The following PAQR5 variants were observed in gnomAD, a reference collection of about 807,000 sequenced individuals.
The protein encoded by PAQR5 is membrane progestin receptor gamma.
PAQR5 carries 20 observed loss-of-function variants against 34.5 expected under a neutral mutation model. That is an observed-to-expected ratio of 0.58 (90% CI 0.41 to 0.84). PAQR5 has a LOEUF of 0.84. Ranked by LOEUF, PAQR5 falls within the 40% of genes least tolerant of loss-of-function variation. PAQR5 has a pLI of 0.00. For missense variants in PAQR5, 378 were observed against 412.7 expected (o/e 0.92, Z 0.73); for synonymous variants, 131 against 155.6 (o/e 0.84, Z 1.18).
chr15:69,300,617 CTTTCTTTCTTTCT>C lies in PAQR5; in HGVS notation c.-277+1564_-277+1576del, dbSNP rs2053523983. Among the ~76,000 whole-genome samples the C allele has an allele frequency of 3.8e-5, 2 of 52,566 alleles. 1 individual carries two copies. The highest frequency in any genetic ancestry group is 1.3e-4 in the African/African-American group (2 of 15,926). 34.5% of individuals were successfully genotyped at this position (52,566 alleles called of 152,430 possible). ...TCTTTCTTTCTTTCTTTCTTTCTTT[CTTTCTTTCTTTCT>C]TTCTTTCTTTCTTTCTTTCTTTTCT... On this transcript the variant is annotated intron_variant, in intron 1 of 8. Transcript: ENST00000395407.
rs796141033 is a variant in PAQR5 at position 69,341,117 on chromosome 15, ACTT to A, written c.-116+3621_-116+3623del. On this transcript the variant is annotated intron_variant, in intron 2 of 8. Transcript: ENST00000395407. ...CCTATGACCACCATCCATCTCCACGACTTCTTCATCTTCCCAAATAGAAACTAC... is the reference window on the plus strand; with the variant it reads ...CCTATGACCACCATCCATCTCCACGACTTCATCTTCCCAAATAGAAACTAC... 4.6e-5 allele frequency among the ~76,000 whole-genome samples: 7 copies of A among 151,968 alleles called. No homozygotes were observed. In the South Asian group the frequency reaches 1.5e-3, roughly 32 times the overall value.
rs1020138881 is a variant in PAQR5, at chr15:69,379,917, G to T, written c.86G>T (p.Arg29Leu). Residue 29 changes from arginine to leucine, a missense_variant, in exon 4 of 9, where the codon CGC becomes CTC. Physicochemically the swap from Arg to Leu is moderately radical, Grantham distance 102 (BLOSUM62 -2). Coordinates refer to ENST00000395407, the MANE Select transcript of PAQR5 (RefSeq NM_017705.4). ...FHEQGILFGY[R>L]HPQSSATACI... ...GAGCAAGGCATCCTGTTCGGCTACC[G>T]CCATCCACAGAGTTCTGCCACTGCC... is the stretch of plus-strand genomic sequence containing the variant. 5 of 1,614,054 alleles carry T rather than the reference G, an allele frequency of 3.1e-6. No individual in the cohort carries two copies. In the South Asian group the frequency reaches 4.4e-5, roughly 14 times the overall value.
intron 1 of PAQR5, among the ~76,000 whole-genome samples, chr15:69,303,848 G>C (rs1296841708): frequency 6.6e-6 from 1 of 152,188 alleles, no homozygotes; most frequent in African/African-American, 2.4e-5. Context: ...TCTTGTGCAG[G>C]CCTCTACATT....
At position 69,397,553 on chromosome 15, in the gene PAQR5, ATCT is replaced by A; in HGVS notation, c.602_604del (p.Phe201del). The A allele has an allele frequency of 6.2e-7, 1 of 1,605,252 alleles. No individual in the cohort carries two copies. The highest frequency in any genetic ancestry group is 8.5e-7 in the Non-Finnish European group (1 of 1,171,860). Reference sequence around the variant, plus strand: ...TCCGTACACCTGGGACTCCCTCCCCATCTTCTACAGGGTAAGGACTGGCTGCAT... The same window carrying A: ...TCCGTACACCTGGGACTCCCTCCCCATCTACAGGGTAAGGACTGGCTGCAT... On this transcript the variant is annotated inframe_deletion, in exon 7 of 9. Transcript: ENST00000395407.
chr15:69,351,565 C>A (rs1349264771), intron 2 of PAQR5, among the ~76,000 whole-genome samples: 1 of 152,214 alleles, frequency 6.6e-6, no homozygotes, highest in Non-Finnish European at 1.5e-5. Flanking sequence ...ACCGTCCTAC[C>A]TCAGGGGTAT....
At position 69,403,909 on chromosome 15, in the gene PAQR5, A is replaced by G; in HGVS notation, c.*87A>G. On this transcript the variant is annotated 3_prime_UTR_variant, in exon 9 of 9. Transcript: ENST00000395407. The stretch of plus-strand genomic sequence containing the variant: ...AAGCCGGAGGTGGTTACAGCTTATC[A>G]TGGCCTAAAATATTCATAATGGTTG... The G allele has an allele frequency of 7.2e-7, 1 of 1,385,702 alleles. No homozygotes were observed. The highest frequency in any genetic ancestry group is 9.9e-7 in the Non-Finnish European group (1 of 1,014,924). 85.8% of individuals were successfully genotyped at this position (1,385,702 alleles called of 1,614,324 possible). A position where few individuals can be genotyped will look rare whatever the true frequency, so the allele number is the denominator to read the frequency against.
Position 69,379,971 on chromosome 15 carries a change from A to G in PAQR5, c.140A>G (p.Asn47Ser), listed in dbSNP as rs1239544658. 7 of 1,613,998 alleles carry G rather than the reference A, an allele frequency of 4.3e-6. No homozygotes were observed. The highest frequency in any genetic ancestry group is 2.7e-5 in the African/African-American group (2 of 74,920). Reference protein sequence around the residue: ...ACILSLFQMTNETLNIWTHLL... With the variant: ...ACILSLFQMTSETLNIWTHLL... ...ATCCTCAGCCTTTTCCAAATGACCAATGAGACTCTCAACATTTGGACTCAC... is the reference window on the plus strand; with the variant it reads ...ATCCTCAGCCTTTTCCAAATGACCAGTGAGACTCTCAACATTTGGACTCAC... The change falls in exon 4 of 9, where the codon AAT (asparagine) becomes AGT (serine). Residue 47 changes from asparagine to serine, a missense_variant. Transcript: ENST00000395407.
chr15:69,346,428 C>G (rs542463814), intron 2 of PAQR5, among the ~76,000 whole-genome samples: 3 of 151,092 alleles, frequency 2.0e-5, no homozygotes, highest in Non-Finnish European at 4.4e-5. Flanking sequence ...GCCTTAGCCT[C>G]CCAAGTAGCT....
rs760544775 is a variant in PAQR5, at chr15:69,389,697, C to T, written c.429C>T (p.Leu143=). The T allele has an allele frequency of 1.2e-6, 2 of 1,614,204 alleles. No individual in the cohort carries two copies. The highest frequency in any genetic ancestry group is 1.7e-6 in the Non-Finnish European group (2 of 1,180,024). The change falls in exon 6 of 9, where the codon CTC becomes CTT. Residue 143 remains leucine (L), a synonymous_variant. Coordinates refer to ENST00000395407, the MANE Select transcript of PAQR5 (RefSeq NM_017705.4). The stretch of plus-strand genomic sequence containing the variant: ...CTGCATACACGTTCCCGGATGCGCT[C>T]ATGTGCACCACTTTCCATGACTACT... ...AYSAYTFPDA[L]MCTTFHDYYV...
At chr15:69,353,404 T>C (rs1241659096) in intron 2 of PAQR5, among the ~76,000 whole-genome samples, 3 of 152,228 alleles carry the variant, frequency 2.0e-5, no homozygotes. Flanking sequence ...ATGGTATTCA[T>C]ACAATATTGC....
At chr15:69,365,427 A>G (rs922311639) in intron 3 of PAQR5, among the ~76,000 whole-genome samples, 11 of 152,148 alleles carry the variant, frequency 7.2e-5, no homozygotes, top group Non-Finnish European at 1.6e-4. Context: ...AATTTTATAG[A>G]ACTCTTTATT....
chr15:69,322,319 C>G (rs1347230967), intron 1 of PAQR5, among the ~76,000 whole-genome samples: 1 of 149,604 alleles, frequency 6.7e-6, no homozygotes, highest in Non-Finnish European at 1.5e-5. Flanking sequence ...GAAACCCTGT[C>G]TCTACTAAAA....
intron 1 of PAQR5, among the ~76,000 whole-genome samples, chr15:69,327,298 G>A (rs535998054): frequency 1.3e-5 from 2 of 152,210 alleles, no homozygotes; most frequent in Non-Finnish European, 1.5e-5. Flanking sequence ...ACCACATGCG[G>A]ATTGTTTTGT....
At chr15:69,351,949 G>A (rs568675791) in intron 2 of PAQR5, among the ~76,000 whole-genome samples, 1 of 152,318 alleles carries the variant, frequency 6.6e-6, no homozygotes, top group South Asian at 2.1e-4. Flanking sequence ...ATTTGGGTGT[G>A]TTACTCTAGC....
At chr15:69,400,591 C>T (rs928400959) in intron 8 of PAQR5, among the ~76,000 whole-genome samples, 3 of 151,988 alleles carry the variant, frequency 2.0e-5, no homozygotes, top group Non-Finnish European at 2.9e-5. Context: ...ACTTGGGAGG[C>T]GTTGGTTTGA....
intron 1 of PAQR5, among the ~76,000 whole-genome samples, chr15:69,321,502 G>C (rs752670150): frequency 6.6e-6 from 1 of 152,234 alleles, no homozygotes; most frequent in African/African-American, 2.4e-5. Context: ...CATAACCACA[G>C]TACTATTACT....
At position 69,397,584 on chromosome 15, in the gene PAQR5, CCTCT is replaced by C. The variant is rs1441303070; in HGVS notation, c.609+23_609+26del. 1 of 1,471,172 alleles carries C rather than the reference CCTCT, an allele frequency of 6.8e-7. No homozygotes were observed. The highest frequency in any genetic ancestry group is 9.5e-7 in the Non-Finnish European group (1 of 1,049,314). The allele number at this position is 1,471,172 out of a possible 1,614,324, so 91.1% of individuals were successfully genotyped here. Reference sequence around the variant, plus strand: ...TACAGGGTAAGGACTGGCTGCATCTCCTCTCTGCCTGTTGGCAACACCAGGAAGT... The same window carrying C: ...TACAGGGTAAGGACTGGCTGCATCTCCTGCCTGTTGGCAACACCAGGAAGT... On this transcript the variant is annotated intron_variant, in intron 7 of 8. Coordinates refer to ENST00000395407, the MANE Select transcript of PAQR5 (RefSeq NM_017705.4).
Position 69,337,893 on chromosome 15 carries a change from G to A in PAQR5, c.-116+392G>A, listed in dbSNP as rs1439988399. 2.6e-5 allele frequency among the ~76,000 whole-genome samples: 4 copies of A among 152,008 alleles called. No individual in the cohort carries two copies. The South Asian group carries it at 6.2e-4, about 24-fold the overall frequency. ...AGTTCAAGACCAGCCTGGACAACAT[G>A]GTGAAACCCTGTCTCTATTAAAAAA... On this transcript the variant is annotated intron_variant, in intron 2 of 8. Transcript: ENST00000395407.
rs193254970 is a variant in PAQR5 at position 69,385,791 on chromosome 15, C to T, written c.385+909C>T. Among the ~76,000 whole-genome samples, 2,110 of 151,996 alleles carry T rather than the reference C, an allele frequency of 0.014. 20 individuals carry two copies. The highest frequency in any genetic ancestry group is 0.027 in the Middle Eastern group (8 of 294). On this transcript the variant is annotated intron_variant, in intron 5 of 8. Coordinates refer to ENST00000395407, the MANE Select transcript of PAQR5 (RefSeq NM_017705.4). The surrounding 1 kb of genome is among the most constrained non-coding windows in gnomAD (Gnocchi z 4.7). Reference sequence around the variant, plus strand: ...ATGCACTGACACACACTGACACACACACATACAATGCACTCACACATGCAC... The same window carrying T: ...ATGCACTGACACACACTGACACACATACATACAATGCACTCACACATGCAC...
Sources: allele counts gnomAD v4.1 joint callset (sites outside exome capture counted in the v4.1 genomes callset), GRCh38; gene constraint gnomAD v4.1.1; non-coding constraint Gnocchi (gnomAD v3.1); transcripts MANE v1.5; gene names NCBI Gene and HGNC (gene_info 2026-07-23, HGNC 2026-07-21).